Variants in ARHGAP19 observed in about 807,000 individuals in gnomAD.
ARHGAP19 encodes the protein Rho GTPase activating protein 19.
A neutral mutation model predicts 60.9 loss-of-function variants in ARHGAP19; 48 were observed. The ratio of observed to expected loss-of-function variants is 0.79; its 90% CI spans 0.62 to 1.00. The LOEUF is 1.00. Ranked by LOEUF, ARHGAP19 falls within the 50% of genes least tolerant of loss-of-function variation. The pLI is 0.00. For missense variants in ARHGAP19, 562 were observed against 597.2 expected (o/e 0.94, Z 0.61); for synonymous variants, 209 against 215.5 (o/e 0.97, Z 0.27).
At chr10:97,268,642 T>C (rs11189086) in intron 1 of ARHGAP19, among the ~76,000 whole-genome samples, 6,524 of 152,208 alleles carry the variant, frequency 0.043, 209 homozygotes, top group Non-Finnish European at 0.062. Context: ...AGAGCGTGTG[T>C]AGGGGAACTG....
rs138934575 is a variant in ARHGAP19 at position 97,265,916 on chromosome 10, C to G, written c.266G>C (p.Gly89Ala). The change falls in exon 2 of 12, where the codon GGC becomes GCC. Residue 89 changes from glycine to alanine, a missense_variant. By Grantham distance (60) the Gly-to-Ala change is moderately conservative (BLOSUM62 0). Coordinates refer to ENST00000358531, the MANE Select transcript of ARHGAP19 (RefSeq NM_032900.6). ...GAATCCTGATGCTGGGCCAGCCCCGCCAGGCAACTTAAGGTCCACTTCCCC... is the reference window on the plus strand; with the variant it reads ...GAATCCTGATGCTGGGCCAGCCCCGGCAGGCAACTTAAGGTCCACTTCCCC... ...LMGEVDLKLP[G>A]GAGPASGFFR... 2,809 of 1,614,136 alleles carry G rather than the reference C, an allele frequency of 1.7e-3. 5 individuals carry two copies. The highest frequency in any genetic ancestry group is 4.6e-3 in the Middle Eastern group (28 of 6,062).
In ARHGAP19 at chr10:97,225,826, G is replaced by A. The variant is rs1423396170; in HGVS notation, c.*296C>T. ...AAAGTGGAATCTGCCTAAACACATT[G>A]AGTGAGCACTGAAGCCCACCTTAGT... On this transcript the variant is annotated 3_prime_UTR_variant, in exon 12 of 12. Coordinates refer to ENST00000358531, the MANE Select transcript of ARHGAP19 (RefSeq NM_032900.6). 1 of 370,308 alleles carries A rather than the reference G, an allele frequency of 2.7e-6. No homozygotes were observed. The allele number at this position is 370,308 out of a possible 1,614,324, so 22.9% of individuals were successfully genotyped here. A position where few individuals can be genotyped will look rare whatever the true frequency, so the allele number is the denominator to read the frequency against.
chr10:97,274,460 A>G (rs1266457853), intron 1 of ARHGAP19, among the ~76,000 whole-genome samples: 1 of 146,056 alleles, frequency 6.8e-6, no homozygotes, highest in Non-Finnish European at 1.5e-5. Flanking sequence ...GCAAGACTCC[A>G]TCTTAAAAAA....
chr10:97,261,450 A>G (rs909991359), intron 4 of ARHGAP19, among the ~76,000 whole-genome samples: 1 of 152,214 alleles, frequency 6.6e-6, no homozygotes, highest in Non-Finnish European at 1.5e-5. Context: ...ATATTGCACT[A>G]AACGAATGAA....
intron 9 of ARHGAP19, among the ~76,000 whole-genome samples, chr10:97,233,554 A>C (rs537203343): frequency 1.3e-5 from 2 of 152,284 alleles, no homozygotes; most frequent in African/African-American, 4.8e-5. Context: ...AGAAAACCAA[A>C]CACCACATGT....
At chr10:97,242,443 C>T (rs767670705) in intron 8 of ARHGAP19, among the ~76,000 whole-genome samples, 65 of 149,006 alleles carry the variant, frequency 4.4e-4, no homozygotes, top group African/African-American at 9.9e-5. Context: ...AAGCAATTCT[C>T]CTGCCTCAGC....
At chr10:97,246,929 G>A (rs551716386) in intron 6 of ARHGAP19, among the ~76,000 whole-genome samples, 1 of 152,244 alleles carries the variant, frequency 6.6e-6, no homozygotes, top group East Asian at 1.9e-4. Flanking sequence ...CCTGAAGTCA[G>A]GAGTTCGAGA....
chr10:97,248,116 C>T (rs1842589094), intron 6 of ARHGAP19, among the ~76,000 whole-genome samples: 1 of 152,150 alleles, frequency 6.6e-6, no homozygotes, highest in Non-Finnish European at 1.5e-5. Context: ...CAAGCACCCA[C>T]CATCATGCCC....
At chr10:97,269,471 A>G (rs528319698) in intron 1 of ARHGAP19, among the ~76,000 whole-genome samples, 2 of 152,286 alleles carry the variant, frequency 1.3e-5, no homozygotes, top group African/African-American at 4.8e-5. Context: ...ACGCTAGGTT[A>G]TTTTTCCTGT....
At chr10:97,266,455 T>G (rs1015896875) in intron 1 of ARHGAP19, among the ~76,000 whole-genome samples, 1 of 152,200 alleles carries the variant, frequency 6.6e-6, no homozygotes, top group East Asian at 1.9e-4. Context: ...GGTTCTTCTC[T>G]CTAGGGCTCC....
chr10:97,228,928 G>C, intron 11 of ARHGAP19: 1 of 656,940 alleles, frequency 1.5e-6, no homozygotes, highest in South Asian at 1.6e-5. Flanking sequence ...GACCATGTGG[G>C]TCTGTGTTCA....
At chr10:97,252,324 C>CA (rs35769409) in intron 6 of ARHGAP19, among the ~76,000 whole-genome samples, 35,627 of 133,644 alleles carry the variant, frequency 0.27, 5,388 homozygotes, top group Non-Finnish European at 0.37. Flanking sequence ...GAGACTGTCT[C>CA]AAAAAAAAAA....
intron 8 of ARHGAP19, among the ~76,000 whole-genome samples, chr10:97,243,651 C>T (rs1448012415): frequency 6.6e-6 from 1 of 152,154 alleles, no homozygotes; most frequent in Non-Finnish European, 1.5e-5. Context: ...AAGTTATTTG[C>T]TAAGAAAATC....
intron 1 of ARHGAP19, among the ~76,000 whole-genome samples, chr10:97,284,554 C>A (rs1419306315): frequency 6.6e-6 from 1 of 152,096 alleles, no homozygotes; most frequent in Non-Finnish European, 1.5e-5. Flanking sequence ...ATTGCCCATG[C>A]TAGAATGGTG....
chr10:97,264,920 T>C lies in ARHGAP19; in HGVS notation c.323-14A>G, dbSNP rs774803604. The C allele has an allele frequency of 2.5e-6, 4 of 1,595,668 alleles. No individual in the cohort carries two copies. In the South Asian group the frequency reaches 4.4e-5, roughly 18 times the overall value. ...TCACTCCTTTTTCTGAAAAACCATA[T>C]GATATGACAGGGCTATATTTCACAC... is the stretch of plus-strand genomic sequence containing the variant. On this transcript the variant is annotated splice_polypyrimidine_tract_variant and intron_variant, in intron 2 of 11. Transcript: ENST00000358531.
At chr10:97,244,212 T>C in intron 7 of ARHGAP19, 53 bp from the exon 8 acceptor site, 1 of 1,475,162 alleles carries the variant, frequency 6.8e-7, no homozygotes, top group South Asian at 1.3e-5. Flanking sequence ...AACTTTGTTT[T>C]GGGGTTCTTA....
At chr10:97,261,227 T>C (rs1230651741) in intron 4 of ARHGAP19, among the ~76,000 whole-genome samples, 6 of 152,180 alleles carry the variant, frequency 3.9e-5, no homozygotes, top group Admixed American at 3.9e-4. Flanking sequence ...GTAAAAATGA[T>C]TACAGTGTGT....
intron 6 of ARHGAP19, among the ~76,000 whole-genome samples, chr10:97,254,104 T>G (rs1313238008): frequency 6.6e-6 from 1 of 152,200 alleles, no homozygotes; most frequent in Non-Finnish European, 1.5e-5. Flanking sequence ...ATCTACAGAT[T>G]CAATACAATC....
In ARHGAP19 at chr10:97,259,711, A is replaced by G. The variant is rs1842803121; in HGVS notation, c.614-83T>C. ...TGCTATCACCATTATCCTCCCCTCA[A>G]CTCCCATCAAAGAAAGAGGGAAAAA... On this transcript the variant is annotated intron_variant, in intron 4 of 11. Coordinates refer to ENST00000358531, the MANE Select transcript of ARHGAP19 (RefSeq NM_032900.6). 6 of 950,874 alleles carry G rather than the reference A, an allele frequency of 6.3e-6. No homozygotes were observed. In the Admixed American group the frequency reaches 7.6e-5, roughly 12 times the overall value. The allele number at this position is 950,874 out of a possible 1,614,324, so 58.9% of individuals were successfully genotyped here. A position where few individuals can be genotyped will look rare whatever the true frequency, so the allele number is the denominator to read the frequency against.
Sources: allele counts gnomAD v4.1 joint callset (sites outside exome capture counted in the v4.1 genomes callset), GRCh38; gene constraint gnomAD v4.1.1; transcripts MANE v1.5; gene names NCBI Gene and HGNC (gene_info 2026-07-23, HGNC 2026-07-21).